The following SLC39A3 variants were observed in gnomAD, a reference collection of about 807,000 sequenced individuals.
SLC39A3 encodes the protein zinc transporter ZIP3.
Under a neutral mutation model 5.1 loss-of-function variants are expected in SLC39A3, and 3 were observed. That is an observed-to-expected ratio of 0.59 (90% CI 0.27 to 1.54). The LOEUF is 1.54. SLC39A3 is among the 40% of genes most tolerant of loss of function. SLC39A3 has a pLI of 0.12. For missense variants in SLC39A3, 412 were observed against 436.4 expected, an observed-to-expected ratio of 0.94 and a Z score of 0.50; for synonymous variants, 250 against 218.8, an observed-to-expected ratio of 1.14 and a Z score of -1.26.
rs150568555 is a variant in SLC39A3 at position 2,737,195 on chromosome 19, G to A, written c.63C>T (p.Leu21=). The A allele has an allele frequency of 3.6e-4, 575 of 1,614,104 alleles. 1 individual carries two copies. The African/African-American group carries it at 6.2e-3, about 17-fold the overall frequency. Residue 21 remains leucine, a synonymous_variant, in exon 2 of 3, where the codon CTC becomes CTT. Transcript: ENST00000269740. ...TGATCTTCACGGGGAGCAGGGAGCC[G>A]AGCAGCATGAAGAAGAACACGCCCA... ...CMVGVFFFML[L]GSLLPVKIIE...
rs1914251201 is a variant in SLC39A3, at chr19:2,733,207, CGA to C, written c.487_488del (p.Ser163AlafsTer21). The C allele has an allele frequency of 6.2e-7, 1 of 1,606,880 alleles. No homozygotes were observed. Among genetic ancestry groups the C allele is most frequent in the Non-Finnish European group, 8.5e-7 (1 of 1,176,778 alleles). ...TGAGCAGGCGCACGGGGCTGGCGCG[CGA>C]GAGGCCCTGCACGCTCAGGCTGGGG... ...HGPSLSVQGL[S>X]RASPVRLLSL... On this transcript the variant is annotated frameshift_variant, in exon 3 of 3. Coordinates refer to ENST00000269740, the MANE Select transcript of SLC39A3 (RefSeq NM_144564.5). LOFTEE classifies it low-confidence loss of function (END_TRUNC). This position sits in a 1 kb window ranked among gnomAD's most constrained non-coding sequence, Gnocchi z 6.1.
rs962376808 is a variant in SLC39A3 at position 2,739,743 on chromosome 19, A to G, written c.-123+202T>C. Among the ~76,000 whole-genome samples, 8 of 152,256 alleles carry G rather than the reference A, an allele frequency of 5.3e-5. No homozygotes were observed. In the East Asian group the frequency reaches 1.5e-3, roughly 29 times the overall value. On this transcript the variant is annotated intron_variant, in intron 1 of 2. Coordinates refer to ENST00000269740, the MANE Select transcript of SLC39A3 (RefSeq NM_144564.5). Reference sequence around the variant, plus strand: ...GGTGAGGGTGGCCTGCACGCTCTCAAACCGGAGGCTGCTCGGGCCGGGATG... The same window carrying G: ...GGTGAGGGTGGCCTGCACGCTCTCAGACCGGAGGCTGCTCGGGCCGGGATG...
Position 2,733,519 on chromosome 19 carries a change from A to T in SLC39A3, c.211-34T>A, listed in dbSNP as rs1489730925. On this transcript the variant is annotated intron_variant, in intron 2 of 2. Coordinates refer to ENST00000269740, the MANE Select transcript of SLC39A3 (RefSeq NM_144564.5). This position sits in a 1 kb window ranked among gnomAD's most constrained non-coding sequence, Gnocchi z 6.1. ...GGGGACACCCGAGAGAGAGAGAGAG[A>T]CCCACGCTCAGGGGTGGCGGCGACA... The T allele has an allele frequency of 6.4e-6, 10 of 1,571,444 alleles. No individual in the cohort carries two copies. The highest frequency in any genetic ancestry group is 7.8e-6 in the Non-Finnish European group (9 of 1,158,748).
chr19:2,733,401 C>T lies in SLC39A3; in HGVS notation c.295G>A (p.Val99Ile), dbSNP rs775176537. The T allele has an allele frequency of 1.5e-5, 24 of 1,612,962 alleles. No homozygotes were observed. The highest frequency in any genetic ancestry group is 2.2e-5 in the South Asian group (2 of 91,092). ...TILLLGFFMT[V>I]FLEQLILTFR... Reference sequence around the variant, plus strand: ...GTCAGGATCAGCTGCTCCAGGAAGACGGTCATGAAGAAGCCCAGCAGGAGG... The same window carrying T: ...GTCAGGATCAGCTGCTCCAGGAAGATGGTCATGAAGAAGCCCAGCAGGAGG... Residue 99 changes from valine to isoleucine, a missense_variant, in exon 3 of 3, where the codon GTC becomes ATC. By Grantham distance (29) the Val-to-Ile change is conservative (BLOSUM62 3). Coordinates refer to ENST00000269740, the MANE Select transcript of SLC39A3 (RefSeq NM_144564.5). The surrounding 1 kb of genome is among the most constrained non-coding windows in gnomAD (Gnocchi z 6.1).
intron 1 of SLC39A3, among the ~76,000 whole-genome samples, chr19:2,738,242 G>A (rs149982180): frequency 2.7e-5 from 4 of 145,906 alleles, no homozygotes; most frequent in South Asian, 4.4e-4. Flanking sequence ...ACAAAATTCC[G>A]CTCCTCAGTC....
chr19:2,735,986 C>A lies in SLC39A3; in HGVS notation c.210+1062G>T. 2.0e-6 allele frequency: 2 copies of A among 985,468 alleles called. No homozygotes were observed. Among genetic ancestry groups the A allele is most frequent in the Non-Finnish European group, 1.2e-6 (1 of 829,960 alleles). The allele number at this position is 985,468 out of a possible 1,614,324, so 61.0% of individuals were successfully genotyped here. ...AGAACAGGGGGTCCTCATATCTCCACCAAGTATGTAACCAACACAAATTCA... is the reference window on the plus strand; with the variant it reads ...AGAACAGGGGGTCCTCATATCTCCAACAAGTATGTAACCAACACAAATTCA... On this transcript the variant is annotated intron_variant, in intron 2 of 2. Coordinates refer to ENST00000269740, the MANE Select transcript of SLC39A3 (RefSeq NM_144564.5). This position sits in a 1 kb window ranked among gnomAD's most constrained non-coding sequence, Gnocchi z 5.7.
At chr19:2,736,291 G>A in intron 2 of SLC39A3, 1 of 656,864 alleles carries the variant, frequency 1.5e-6, no homozygotes, top group Non-Finnish European at 1.9e-6. Context: ...CTTCTAACCA[G>A]CAGGACACTG....
chr19:2,733,217 T>C lies in SLC39A3; in HGVS notation c.479A>G (p.Gln160Arg). The part of the protein sequence containing the change: ...PHGHGPSLSV[Q>R]GLSRASPVRL... Reference sequence around the variant, plus strand: ...CACGGGGCTGGCGCGCGAGAGGCCCTGCACGCTCAGGCTGGGGCCGTGGCC... The same window carrying C: ...CACGGGGCTGGCGCGCGAGAGGCCCCGCACGCTCAGGCTGGGGCCGTGGCC... Residue 160 changes from glutamine (Q) to arginine (R), a missense_variant, in exon 3 of 3, where the codon CAG becomes CGG. By Grantham distance (43) the Gln-to-Arg change is conservative. Transcript: ENST00000269740. The surrounding 1 kb of genome is among the most constrained non-coding windows in gnomAD (Gnocchi z 6.1). The C allele has an allele frequency of 1.2e-6, 2 of 1,607,862 alleles. No individual in the cohort carries two copies. The highest frequency in any genetic ancestry group is 1.7e-4 in the Middle Eastern group (1 of 6,042).
Position 2,733,221 on chromosome 19 carries a change from C to T in SLC39A3, c.475G>A (p.Val159Met), listed in dbSNP as rs566732250. 1.8e-5 allele frequency: 29 copies of T among 1,607,670 alleles called. No individual in the cohort carries two copies. The highest frequency in any genetic ancestry group is 8.4e-5 in the Admixed American group (5 of 59,570). ...GGGCTGGCGCGCGAGAGGCCCTGCA[C>T]GCTCAGGCTGGGGCCGTGGCCGTGG... ...EPHGHGPSLS[V>M]QGLSRASPVR... The change falls in exon 3 of 3, where the codon GTG becomes ATG. Residue 159 changes from valine (V) to methionine (M), a missense_variant. Physicochemically the swap from Val to Met is conservative, Grantham distance 21 (BLOSUM62 1). Transcript: ENST00000269740. This position sits in a 1 kb window ranked among gnomAD's most constrained non-coding sequence, Gnocchi z 6.1.
rs1179110988 is a variant in SLC39A3, at chr19:2,733,674, G to C, written c.211-189C>G. ...CCACCACCACCAGCCAAGCGCGGTG[G>C]CTCATGCCTGTGACCCCAGCATTTT... On this transcript the variant is annotated intron_variant, in intron 2 of 2. Coordinates refer to ENST00000269740, the MANE Select transcript of SLC39A3 (RefSeq NM_144564.5). This position sits in a 1 kb window ranked among gnomAD's most constrained non-coding sequence, Gnocchi z 6.1. Among the ~76,000 whole-genome samples the C allele has an allele frequency of 6.6e-6, 1 of 152,214 alleles. No homozygotes were observed. Among genetic ancestry groups the C allele is most frequent in the Admixed American group, 6.5e-5 (1 of 15,282 alleles).
At chr19:2,736,016 C>T in intron 2 of SLC39A3, 1 of 985,412 alleles carries the variant, frequency 1.0e-6, no homozygotes, top group Non-Finnish European at 1.2e-6. Context: ...AATTCAATGT[C>T]ACATCTGGCA....
Position 2,737,143 on chromosome 19 carries a change from G to C in SLC39A3, c.115C>G (p.Arg39Gly). 6.2e-7 allele frequency: 1 copy of C among 1,614,148 alleles called. No individual in the cohort carries two copies. The highest frequency in any genetic ancestry group is 8.5e-7 in the Non-Finnish European group (1 of 1,180,036). Reference sequence around the variant, plus strand: ...CAGAGAGAGAGGATCTTTTTCGAGCGATGGGCCTTCTCAAAATCTGTCTCG... The same window carrying C: ...CAGAGAGAGAGGATCTTTTTCGAGCCATGGGCCTTCTCAAAATCTGTCTCG... Reference protein sequence around the residue: ...IIETDFEKAHRSKKILSLCNT... With the variant: ...IIETDFEKAHGSKKILSLCNT... The change falls in exon 2 of 3, where the codon CGC becomes GGC. Residue 39 changes from arginine to glycine, a missense_variant. Transcript: ENST00000269740.
rs146790621 is a variant in SLC39A3, at chr19:2,733,116, C to T, written c.580G>A (p.Gly194Arg). ...ACGAACAGGCTCACCACTTTCTCCC[C>T]CTCCTCCTGCAGGCCCAGGGCCAGG... ...EGLALGLQEE[G>R]EKVVSLFVGV... is the part of the protein sequence containing the mutation. Residue 194 changes from glycine to arginine, a missense_variant, in exon 3 of 3, where the codon GGG becomes AGG. By Grantham distance (125) the Gly-to-Arg change is moderately radical. Coordinates refer to ENST00000269740, the MANE Select transcript of SLC39A3 (RefSeq NM_144564.5). The surrounding 1 kb of genome is among the most constrained non-coding windows in gnomAD (Gnocchi z 6.1). 2 of 1,610,742 alleles carry T rather than the reference C, an allele frequency of 1.2e-6. No individual in the cohort carries two copies. Among genetic ancestry groups the T allele is most frequent in the Non-Finnish European group, 1.7e-6 (2 of 1,179,108 alleles).
chr19:2,734,885 C>G lies in SLC39A3; in HGVS notation c.211-1400G>C, dbSNP rs1914311372. 6.1e-6 allele frequency: 6 copies of G among 985,378 alleles called. No homozygotes were observed. In the Admixed American group the frequency reaches 3.1e-4, roughly 51 times the overall value. 61.0% of individuals were successfully genotyped at this position (985,378 alleles called of 1,614,324 possible). A position where few individuals can be genotyped will look rare whatever the true frequency, so the allele number is the denominator to read the frequency against. On this transcript the variant is annotated intron_variant, in intron 2 of 2. Transcript: ENST00000269740. The surrounding 1 kb of genome is among the most constrained non-coding windows in gnomAD (Gnocchi z 4.6). ...ACTCTAGCTACTCCCAAGAGACAGACGTTGATCAGGAGAGATGAGGCAGAT... is the reference window on the plus strand; with the variant it reads ...ACTCTAGCTACTCCCAAGAGACAGAGGTTGATCAGGAGAGATGAGGCAGAT...
intron 1 of SLC39A3, 27 bp from the exon 2 acceptor site, chr19:2,737,406 G>T: frequency 2.2e-6 from 3 of 1,364,576 alleles, no homozygotes; most frequent in Non-Finnish European, 2.9e-6. Context: ...CACTGCATTA[G>T]CTTTCTTTCT....
Position 2,733,975 on chromosome 19 carries a change from G to A in SLC39A3, c.211-490C>T, listed in dbSNP as rs148219141. 9.8e-4 allele frequency among the ~76,000 whole-genome samples: 150 copies of A among 152,330 alleles called. 1 individual carries two copies. Among genetic ancestry groups the A allele is most frequent in the African/African-American group, 3.3e-3 (139 of 41,570 alleles). ...ACATAAAGAGCTGCACTGGCCTTGC[G>A]TGTTCTGCCGCGGGGCCTCCTCTCT... On this transcript the variant is annotated intron_variant, in intron 2 of 2. Transcript: ENST00000269740. The surrounding 1 kb of genome is among the most constrained non-coding windows in gnomAD (Gnocchi z 6.1).
At position 2,735,779 on chromosome 19, in the gene SLC39A3, G is replaced by T; in HGVS notation, c.210+1269C>A. On this transcript the variant is annotated intron_variant, in intron 2 of 2. Transcript: ENST00000269740. This position sits in a 1 kb window ranked among gnomAD's most constrained non-coding sequence, Gnocchi z 5.7. ...GAGGGGAGGGAAGAGCATGGGGCGT[G>T]CGGAGCAGGGGCTGGAAGCTCAGGG... 1.1e-6 allele frequency: 1 copy of T among 945,496 alleles called. No individual in the cohort carries two copies. The highest frequency in any genetic ancestry group is 1.3e-6 in the Non-Finnish European group (1 of 793,742). 58.6% of individuals were successfully genotyped at this position (945,496 alleles called of 1,614,324 possible).
In SLC39A3 at chr19:2,734,372, C is replaced by T. The variant is rs1212717461; in HGVS notation, c.211-887G>A. The stretch of plus-strand genomic sequence containing the variant: ...TTCCCTGCTTCCTTCCCAGCGGAGA[C>T]TTCATTACAACCTGCGCACGTGCAC... On this transcript the variant is annotated intron_variant, in intron 2 of 2. Transcript: ENST00000269740. The surrounding 1 kb of genome is among the most constrained non-coding windows in gnomAD (Gnocchi z 4.6). 6.6e-6 allele frequency among the ~76,000 whole-genome samples: 1 copy of T among 152,164 alleles called. No individual in the cohort carries two copies. The highest frequency in any genetic ancestry group is 1.5e-5 in the Non-Finnish European group (1 of 68,046).
Position 2,732,974 on chromosome 19 carries a change from G to T in SLC39A3, c.722C>A (p.Pro241His). ...KLAVTVSAMI[P>H]LGIGLGLGIE... is the part of the protein sequence containing the mutation. ...GCCCAGGCCCAGGCCGATGCCCAGG[G>T]GGATCATGGCGCTTACGGTGACCGC... is the stretch of plus-strand genomic sequence containing the variant. Residue 241 changes from proline to histidine, a missense_variant, in exon 3 of 3, where the codon CCC (proline) becomes CAC (histidine). Transcript: ENST00000269740. The T allele has an allele frequency of 6.2e-7, 1 of 1,602,558 alleles. No individual in the cohort carries two copies.
Sources: gnomAD v4.1 joint callset for allele counts (sites outside exome capture counted in the v4.1 genomes callset) on GRCh38, gnomAD v4.1.1 for gene constraint, Gnocchi (gnomAD v3.1) non-coding constraint, MANE v1.5 for transcripts, NCBI Gene and HGNC (gene_info 2026-07-23, HGNC 2026-07-21) for gene names.